Variants in PCDH9 observed in about 807,000 individuals in gnomAD.
PCDH9 encodes protocadherin-9.
In PCDH9, 24 loss-of-function variants were observed where a neutral mutation model predicts 70.6. The ratio of observed to expected loss-of-function variants is 0.34; its 90% CI spans 0.25 to 0.48. The LOEUF (loss-of-function observed/expected upper bound fraction) is 0.48. PCDH9 is among the 20% of genes least tolerant of loss of function. The pLI, the probability that PCDH9 is intolerant of heterozygous loss-of-function variation, is 0.99. For missense variants in PCDH9, 1,281 were observed against 1,503.6 expected (o/e 0.85, Z 2.45); for synonymous variants, 562 against 558.5 (o/e 1.01, Z -0.09).
At chr13:67,212,973 A>C (rs913756219) in intron 2 of PCDH9, 3 of 152,248 alleles carry the variant, frequency 2.0e-5, no homozygotes, top group African/African-American at 7.2e-5. Flanking sequence ...GCACTTTGGG[A>C]GGCCGAGGCG....
intron 2 of PCDH9, among the ~76,000 whole-genome samples, chr13:67,130,824 C>A (rs1207881539): frequency 1.3e-5 from 2 of 152,112 alleles, no homozygotes; most frequent in African/African-American, 4.8e-5. Flanking sequence ...CCGGTGGGCC[C>A]TGGCATTAGG....
At position 66,720,326 on chromosome 13, in the gene PCDH9, G is replaced by T. The variant is rs9529124; in HGVS notation, c.3139-88915C>A. Among the ~76,000 whole-genome samples the T allele has an allele frequency of 7.7e-4, 101 of 132,010 alleles. 2 individuals are homozygous for T. In the South Asian group the frequency reaches 0.018, roughly 24 times the overall value. The allele number at this position is 132,010 out of a possible 152,430, so 86.6% of individuals were successfully genotyped here. On this transcript the variant is annotated intron_variant, in intron 3 of 4. Transcript: ENST00000377865. ...ATACCTGGCTAATTTTTGCTTTTTT[G>T]TTTTTTTTTTTTTTTTGGTAGAGAC... is the stretch of plus-strand genomic sequence containing the variant.
chr13:66,648,157 C>A (rs1285148636), intron 3 of PCDH9, among the ~76,000 whole-genome samples: 2 of 152,226 alleles, frequency 1.3e-5, no homozygotes, highest in Admixed American at 1.3e-4. Flanking sequence ...AGGACACAAC[C>A]TAGTTGGCTT....
Position 66,737,309 on chromosome 13 carries a change from T to G in PCDH9, c.3139-105898A>C, listed in dbSNP as rs572988510. Among the ~76,000 whole-genome samples the G allele has an allele frequency of 3.3e-5, 5 of 152,318 alleles. No individual in the cohort carries two copies. In the South Asian group the frequency reaches 8.3e-4, roughly 25 times the overall value. On this transcript the variant is annotated intron_variant, in intron 3 of 4. Coordinates refer to ENST00000377865, the MANE Select transcript of PCDH9 (RefSeq NM_203487.3). Reference sequence around the variant, plus strand: ...TTAAGGTTGATAAATTTAGCCCTTGTGCAGTTTTTCAGCCCTTAGCAATAG... The same window carrying G: ...TTAAGGTTGATAAATTTAGCCCTTGGGCAGTTTTTCAGCCCTTAGCAATAG...
chr13:66,614,865 G>A (rs773705024), intron 4 of PCDH9, among the ~76,000 whole-genome samples: 1 of 152,178 alleles, frequency 6.6e-6, no homozygotes, highest in Non-Finnish European at 1.5e-5. Context: ...TACTGGCTGT[G>A]TCTGGTTTCC....
At chr13:66,748,768 A>G (rs1448841228) in intron 3 of PCDH9, among the ~76,000 whole-genome samples, 5 of 152,188 alleles carry the variant, frequency 3.3e-5, no homozygotes, top group African/African-American at 1.2e-4. Context: ...AGATACATAA[A>G]ACACTCAGCT....
Position 66,337,755 on chromosome 13 carries a change from T to C in PCDH9, c.3341-32727A>G, listed in dbSNP as rs144455786. ...ACTTTGAGGTTATAGTCATAGCCAC[T>C]ACACAAAGTAAATAAAAGGACAATG... On this transcript the variant is annotated intron_variant, in intron 4 of 4. Transcript: ENST00000377865. 4.0e-3 allele frequency among the ~76,000 whole-genome samples: 607 copies of C among 152,202 alleles called. 16 individuals are homozygous for C. In the East Asian group the frequency reaches 0.05, roughly 13 times the overall value.
chr13:66,744,423 A>T (rs1415039165), intron 3 of PCDH9, among the ~76,000 whole-genome samples: 3 of 152,170 alleles, frequency 2.0e-5, no homozygotes, highest in African/African-American at 7.2e-5. Flanking sequence ...TTTTTTAAAA[A>T]TTTATTTATT....
intron 2 of PCDH9, among the ~76,000 whole-genome samples, chr13:67,021,176 C>T (rs1167986276): frequency 5.9e-5 from 9 of 152,122 alleles, no homozygotes; most frequent in African/African-American, 2.2e-4. Context: ...ACTCACAAAG[C>T]AAAGTGACAA....
intron 2 of PCDH9, among the ~76,000 whole-genome samples, chr13:67,143,928 C>T (rs1315600058): frequency 6.6e-6 from 1 of 152,126 alleles, no homozygotes; most frequent in Non-Finnish European, 1.5e-5. Flanking sequence ...GAGTCATAAG[C>T]ATTATGCATC....
chr13:66,342,279 A>G (rs1352094450), intron 4 of PCDH9, among the ~76,000 whole-genome samples: 1 of 152,212 alleles, frequency 6.6e-6, no homozygotes, highest in Non-Finnish European at 1.5e-5. Flanking sequence ...AATTGCTACT[A>G]TTTCATTTTT....
intron 2 of PCDH9, among the ~76,000 whole-genome samples, chr13:67,105,867 T>C (rs2086529261): frequency 6.6e-6 from 1 of 151,480 alleles, no homozygotes; most frequent in Non-Finnish European, 1.5e-5. Flanking sequence ...ATCTCAAGAA[T>C]ACATATATGT....
chr13:66,597,466 C>T (rs538834582), intron 4 of PCDH9, among the ~76,000 whole-genome samples: 38 of 151,650 alleles, frequency 2.5e-4, no homozygotes, highest in East Asian at 5.8e-4. Flanking sequence ...GTTGCCAAGA[C>T]GACACAATGG....
intron 4 of PCDH9, among the ~76,000 whole-genome samples, chr13:66,492,423 CTAGT>C (rs952397203): frequency 3.4e-5 from 5 of 147,370 alleles, no homozygotes; most frequent in African/African-American, 9.9e-5. Context: ...TATATGTAAC[CTAGT>C]TAATGTTTAT....
chr13:66,467,780 C>T (rs560580388), intron 4 of PCDH9, among the ~76,000 whole-genome samples: 277 of 152,200 alleles, frequency 1.8e-3, no homozygotes, highest in African/African-American at 6.3e-3. Flanking sequence ...CTCCAATTAT[C>T]GCATTCTTTG....
intron 3 of PCDH9, among the ~76,000 whole-genome samples, chr13:66,713,713 T>C (rs985780559): frequency 1.3e-5 from 2 of 149,400 alleles, no homozygotes; most frequent in African/African-American, 2.5e-5. Flanking sequence ...ATGGGTCAAA[T>C]AGACATATCT....
At chr13:66,761,350 C>T (rs1340755883) in intron 3 of PCDH9, among the ~76,000 whole-genome samples, 1 of 152,086 alleles carries the variant, frequency 6.6e-6, no homozygotes, top group Non-Finnish European at 1.5e-5. Context: ...GGGCTGGCTC[C>T]CCCAATAGTT....
At chr13:66,883,898 A>ATTTTT (rs539703609) in intron 3 of PCDH9, among the ~76,000 whole-genome samples, 26 of 108,168 alleles carry the variant, frequency 2.4e-4, no homozygotes, top group African/African-American at 7.7e-4. Context: ...TTGAGCGTTC[A>ATTTTT]TTTTTTTTTT....
Position 67,226,247 on chromosome 13 carries a change from T to C in PCDH9, c.2194A>G (p.Thr732Ala). Residue 732 changes from threonine (T) to alanine (A), a missense_variant, in exon 2 of 5, where the codon ACA becomes GCA. Physicochemically the swap from Thr to Ala is moderately conservative, Grantham distance 58. Around this residue, in one of 4 missense-constraint regions of PCDH9, gnomAD observed 798 missense variants for 1,003.1 expected, o/e 0.80. Coordinates refer to ENST00000377865, the MANE Select transcript of PCDH9 (RefSeq NM_203487.3). This position sits in a 1 kb window ranked among gnomAD's most constrained non-coding sequence, Gnocchi z 5.0. Reference sequence around the variant, plus strand: ...TTTTCTTCCAGAGTAATGTTACCTGTTACTGGATCAATCCGGAATAAGCCT... The same window carrying C: ...TTTTCTTCCAGAGTAATGTTACCTGCTACTGGATCAATCCGGAATAAGCCT... ...NKGLFRIDPV[T>A]GNITLEEKPA... The C allele has an allele frequency of 6.2e-7, 1 of 1,614,152 alleles. No homozygotes were observed. The highest frequency in any genetic ancestry group is 8.5e-7 in the Non-Finnish European group (1 of 1,180,014).
Sources: gnomAD v4.1 joint callset for allele counts (sites outside exome capture counted in the v4.1 genomes callset) on GRCh38, gnomAD v4.1.1 for gene constraint, gnomAD v4.1.1 regional missense constraint, Gnocchi (gnomAD v3.1) non-coding constraint, MANE v1.5 for transcripts, NCBI Gene and HGNC (gene_info 2026-07-23, HGNC 2026-07-21) for gene names.